Variants in CLPB observed in about 807,000 individuals in gnomAD.
The protein encoded by CLPB is ClpB family mitochondrial disaggregase, also known as mitochondrial disaggregase.
CLPB carries 40 observed loss-of-function variants against 78.4 expected under a neutral mutation model. That is an observed-to-expected ratio of 0.51 (90% confidence interval 0.40 to 0.66). The LOEUF (loss-of-function observed/expected upper bound fraction) is 0.66. Ranked by LOEUF, CLPB falls within the 30% of genes least tolerant of loss-of-function variation. The pLI, the probability that CLPB is intolerant of heterozygous loss-of-function variation, is 0.00. For synonymous variants in CLPB, 333 were observed against 348.0 expected (o/e 0.96, Z 0.48); for missense variants, 780 against 886.9 (o/e 0.88, Z 1.53).
intron 6 of CLPB, among the ~76,000 whole-genome samples, chr11:72,326,226 C>G (rs1950131545): frequency 6.6e-6 from 1 of 152,092 alleles, no homozygotes; most frequent in Non-Finnish European, 1.5e-5. Flanking sequence ...GTGGTTATGT[C>G]TTGGTAGGAG....
rs1348923582 is a variant in CLPB at position 72,430,294 on chromosome 11, G to A, written c.455+18C>T. The A allele has an allele frequency of 6.2e-7, 1 of 1,611,312 alleles. No individual in the cohort carries two copies. The highest frequency in any genetic ancestry group is 8.5e-7 in the Non-Finnish European group (1 of 1,179,076). ...AGCCTCTCCTGTAGGGGAGAGCAAG[G>A]CCTGGGGTTCAACTCACCTGCTGAC... On this transcript the variant is annotated intron_variant, in intron 2 of 15. Transcript: ENST00000538039.
At chr11:72,325,537 G>C (rs1433670564) in intron 6 of CLPB, among the ~76,000 whole-genome samples, 3 of 152,162 alleles carry the variant, frequency 2.0e-5, no homozygotes, top group South Asian at 2.1e-4. Flanking sequence ...AACAGTGAGG[G>C]ACACATCATT....
At chr11:72,405,959 G>A (rs949198112) in intron 2 of CLPB, among the ~76,000 whole-genome samples, 2 of 151,924 alleles carry the variant, frequency 1.3e-5, no homozygotes, top group African/African-American at 4.8e-5. Context: ...TTCAAAATAG[G>A]TTCCAATCAG....
In CLPB at chr11:72,434,481, A is replaced by G. The variant is rs1284099328; in HGVS notation, c.-7T>C. 1.3e-6 allele frequency: 2 copies of G among 1,527,608 alleles called. No homozygotes were observed. Among genetic ancestry groups the G allele is most frequent in the African/African-American group, 2.8e-5 (2 of 72,128 alleles). 94.6% of individuals were successfully genotyped at this position (1,527,608 alleles called of 1,614,324 possible). A position where few individuals can be genotyped will look rare whatever the true frequency, so the allele number is the denominator to read the frequency against. On this transcript the variant is annotated 5_prime_UTR_variant, in exon 1 of 16. Transcript: ENST00000538039. The stretch of plus-strand genomic sequence containing the variant: ...ACACCAGGGACCCCAGCATCTTGAC[A>G]GCTGCTTCGATAACCCCGTGGTGCC...
At chr11:72,358,680 T>C (rs1055990153) in intron 5 of CLPB, among the ~76,000 whole-genome samples, 200 bp downstream of exon 5, 3 of 152,118 alleles carry the variant, frequency 2.0e-5, no homozygotes. Flanking sequence ...ACTGCCACTG[T>C]CAGCAGGCAA....
chr11:72,331,143 G>A (rs559067601), intron 5 of CLPB, among the ~76,000 whole-genome samples: 21 of 151,654 alleles, frequency 1.4e-4, no homozygotes, highest in African/African-American at 4.4e-4. Flanking sequence ...GGTGGCTCAC[G>A]CCTGTAATCT....
intron 5 of CLPB, among the ~76,000 whole-genome samples, chr11:72,332,173 A>G (rs1950239085): frequency 6.6e-6 from 1 of 152,140 alleles, no homozygotes; most frequent in Non-Finnish European, 1.5e-5. Flanking sequence ...ACACCATAAA[A>G]TTAAACCTTT....
chr11:72,403,077 T>C (rs757705017), intron 2 of CLPB, 25 bp from the exon 3 acceptor site: 3 of 1,602,916 alleles, frequency 1.9e-6, no homozygotes, highest in African/African-American at 1.3e-5. Context: ...AGGAATATTT[T>C]CAGTGTATGG....
At chr11:72,297,532 G>A (rs147857518) in intron 11 of CLPB, among the ~76,000 whole-genome samples, 11 of 152,312 alleles carry the variant, frequency 7.2e-5, no homozygotes, top group Middle Eastern at 3.4e-3. Context: ...AAGGGTGCAA[G>A]CAGATGTCCT....
At chr11:72,315,911 C>T (rs1949933382) in intron 7 of CLPB, among the ~76,000 whole-genome samples, 1 of 152,154 alleles carries the variant, frequency 6.6e-6, no homozygotes, top group African/African-American at 2.4e-5. Context: ...TAAGTTCTGA[C>T]CCAGAGAGTG....
At chr11:72,317,998 T>C (rs1038461312) in intron 6 of CLPB, among the ~76,000 whole-genome samples, 3 of 152,270 alleles carry the variant, frequency 2.0e-5, no homozygotes, top group African/African-American at 7.2e-5. Flanking sequence ...TGCACACAAA[T>C]ACTTCGCAAC....
intron 2 of CLPB, among the ~76,000 whole-genome samples, chr11:72,408,395 C>T (rs1393304820): frequency 1.3e-5 from 2 of 152,000 alleles, no homozygotes; most frequent in Non-Finnish European, 2.9e-5. Flanking sequence ...GGGCTGGGTG[C>T]GGTGGCTCAT....
intron 4 of CLPB, among the ~76,000 whole-genome samples, chr11:72,359,664 C>G (rs147956588): frequency 3.3e-5 from 5 of 152,262 alleles, no homozygotes; most frequent in African/African-American, 1.2e-4. Flanking sequence ...ATCTCAGTGA[C>G]TTGAGAAACT....
At chr11:72,426,440 A>G (rs747683058) in intron 2 of CLPB, among the ~76,000 whole-genome samples, 2 of 152,104 alleles carry the variant, frequency 1.3e-5, no homozygotes, top group Non-Finnish European at 2.9e-5. Flanking sequence ...CCACCTGCTC[A>G]CACTGCTGAC....
chr11:72,342,227 GGTTT>G (rs1950433650), intron 5 of CLPB, among the ~76,000 whole-genome samples: 1 of 152,172 alleles, frequency 6.6e-6, no homozygotes, highest in South Asian at 2.1e-4. Flanking sequence ...GAAAATGCCT[GGTTT>G]GTTCTACGGA....
intron 5 of CLPB, among the ~76,000 whole-genome samples, chr11:72,340,309 C>G (rs1385983977): frequency 6.6e-6 from 1 of 152,176 alleles, no homozygotes; most frequent in East Asian, 1.9e-4. Flanking sequence ...TACACCAGTC[C>G]ACGACATATT....
chr11:72,380,258 G>C, intron 4 of CLPB, 23 bp downstream of exon 4: 1 of 1,565,060 alleles, frequency 6.4e-7, no homozygotes, highest in South Asian at 1.1e-5. Context: ...AGCTCTCAGA[G>C]AAGCAGGACA....
At chr11:72,293,727 C>T (rs998133078) in intron 15 of CLPB, 112 bp from the exon 16 acceptor site, 6 of 1,328,306 alleles carry the variant, frequency 4.5e-6, no homozygotes, top group Non-Finnish European at 6.0e-6. Flanking sequence ...GCCTGAGCCT[C>T]AGCTTTCTCA....
intron 4 of CLPB, chr11:72,372,885 TG>T: frequency 6.4e-7 from 1 of 1,555,410 alleles, no homozygotes; most frequent in Non-Finnish European, 8.9e-7. Flanking sequence ...TGGCATGTCC[TG>T]GGGAGGGGGA....
Sources: allele counts gnomAD v4.1 joint callset (sites outside exome capture counted in the v4.1 genomes callset), GRCh38; gene constraint gnomAD v4.1.1; transcripts MANE v1.5; gene names NCBI Gene and HGNC (gene_info 2026-07-23, HGNC 2026-07-21).